Variants in GNB1L observed in about 807,000 individuals in gnomAD.
GNB1L encodes guanine nucleotide-binding protein subunit beta-like protein 1.
In GNB1L, 20 loss-of-function variants were observed where a neutral mutation model predicts 29.1. The ratio of observed to expected loss-of-function variants is 0.69; its 90% CI spans 0.48 to 1.00. The LOEUF (loss-of-function observed/expected upper bound fraction) is 1.00. GNB1L is among the 50% of genes least tolerant of loss of function. The pLI is 0.00. For missense variants in GNB1L, 421 were observed against 464.9 expected (o/e 0.91, Z 0.87); for synonymous variants, 193 against 206.5 (o/e 0.93, Z 0.56).
chr22:19,810,730 G>A (rs936405045), intron 5 of GNB1L, among the ~76,000 whole-genome samples: 8 of 151,976 alleles, frequency 5.3e-5, no homozygotes, highest in Admixed American at 1.3e-4. Context: ...CTCCCTGGGC[G>A]TTGTCTGGGT....
In GNB1L at chr22:19,784,741, A is replaced by G. The variant is rs1937176611; in HGVS notation, c.*3968T>C. Reference sequence around the variant, plus strand: ...CCCGCGTCCCTGCACACAGCTGCCCACCGGCCAGTGGAGTGGGACCTGCTG... The same window carrying G: ...CCCGCGTCCCTGCACACAGCTGCCCGCCGGCCAGTGGAGTGGGACCTGCTG... On this transcript the variant is annotated 3_prime_UTR_variant, in exon 8 of 8. Coordinates refer to ENST00000329517, the MANE Select transcript of GNB1L (RefSeq NM_053004.3). The G allele has an allele frequency of 6.6e-6, 1 of 152,156 alleles. No homozygotes were observed. The highest frequency in any genetic ancestry group is 1.5e-5 in the Non-Finnish European group (1 of 68,026). 9.4% of individuals were successfully genotyped at this position (152,156 alleles called of 1,614,324 possible). A position where few individuals can be genotyped will look rare whatever the true frequency, so the allele number is the denominator to read the frequency against.
chr22:19,798,614 C>T (rs950938051), intron 7 of GNB1L, among the ~76,000 whole-genome samples: 1 of 149,804 alleles, frequency 6.7e-6, no homozygotes, highest in Admixed American at 6.6e-5. Context: ...GTTCCTCCTG[C>T]CCAGCTCCTG....
intron 5 of GNB1L, among the ~76,000 whole-genome samples, chr22:19,811,672 G>A (rs1937502136): frequency 6.6e-6 from 1 of 152,100 alleles, no homozygotes. Flanking sequence ...CCTAACAGTG[G>A]CCTCCCTGCT....
intron 2 of GNB1L, among the ~76,000 whole-genome samples, chr22:19,844,819 G>A (rs1937926491): frequency 6.6e-6 from 1 of 152,220 alleles, no homozygotes; most frequent in Non-Finnish European, 1.5e-5. Context: ...TTTGACCCGG[G>A]TGAACACACG....
chr22:19,849,851 C>T, intron 2 of GNB1L: 1 of 985,472 alleles, frequency 1.0e-6, no homozygotes, highest in Non-Finnish European at 1.2e-6. Context: ...TGGGCACACA[C>T]TGCACACACT....
chr22:19,839,262 A>G (rs181122128), intron 2 of GNB1L, among the ~76,000 whole-genome samples: 62 of 152,236 alleles, frequency 4.1e-4, no homozygotes, highest in African/African-American at 1.2e-3. Flanking sequence ...GCACACAATA[A>G]TAAAGATAAT....
intron 2 of GNB1L, among the ~76,000 whole-genome samples, chr22:19,853,897 G>A (rs914969096): frequency 5.9e-5 from 9 of 152,176 alleles, no homozygotes; most frequent in African/African-American, 2.2e-4. Flanking sequence ...AGGTATCCAG[G>A]TTGCCCACAA....
chr22:19,811,521 C>A (rs1202974546), intron 5 of GNB1L, among the ~76,000 whole-genome samples: 1 of 152,160 alleles, frequency 6.6e-6, no homozygotes, highest in Non-Finnish European at 1.5e-5. Flanking sequence ...CCCTCCTCCA[C>A]TATGACACCC....
chr22:19,848,928 A>G (rs1323300229), intron 2 of GNB1L: 1 of 985,370 alleles, frequency 1.0e-6, no homozygotes, highest in East Asian at 1.1e-4. Flanking sequence ...TGTCCATCCT[A>G]GAGAGCAACT....
chr22:19,848,997 T>G (rs1460141131), intron 2 of GNB1L: 1 of 985,378 alleles, frequency 1.0e-6, no homozygotes, highest in Admixed American at 6.1e-5. Flanking sequence ...GAGGTAGGCA[T>G]CAGGGAGCAG....
intron 4 of GNB1L, among the ~76,000 whole-genome samples, chr22:19,819,756 A>G (rs1156477119): frequency 6.6e-6 from 1 of 152,176 alleles, no homozygotes; most frequent in Non-Finnish European, 1.5e-5. Flanking sequence ...AGGGTACAGA[A>G]CACACACGTG....
At chr22:19,792,925 A>ACTTTGGCTTTGG in intron 7 of GNB1L, 1 of 1,249,544 alleles carries the variant, frequency 8.0e-7, no homozygotes, top group East Asian at 2.3e-5. Context: ...AACTCGGAAG[A>ACTTTGGCTTTGG]CAAAGGCACT....
In GNB1L at chr22:19,850,942, G is replaced by C. The variant is rs1388915940; in HGVS notation, c.-21+3501C>G. The C allele has an allele frequency of 8.7e-6, 12 of 1,374,774 alleles. No individual in the cohort carries two copies. The Admixed American group carries it at 3.5e-4, about 40-fold the overall frequency. The allele number at this position is 1,374,774 out of a possible 1,614,324, so 85.2% of individuals were successfully genotyped here. On this transcript the variant is annotated intron_variant, in intron 2 of 7. Coordinates refer to ENST00000329517, the MANE Select transcript of GNB1L (RefSeq NM_053004.3). Reference sequence around the variant, plus strand: ...CCAGAAGACGGGCAGGGATGCAGCAGAGAGCCAGCAGCAGGGAAAGGGCAC... The same window carrying C: ...CCAGAAGACGGGCAGGGATGCAGCACAGAGCCAGCAGCAGGGAAAGGGCAC...
rs1937181416 is a variant in GNB1L, at chr22:19,785,202, C to T, written c.*3507G>A. On this transcript the variant is annotated 3_prime_UTR_variant, in exon 8 of 8. Transcript: ENST00000329517. The surrounding 1 kb of genome is among the most constrained non-coding windows in gnomAD (Gnocchi z 4.1). Reference sequence around the variant, plus strand: ...ATCGCTTGAGCCCAGGAGTTCGAAACCAGCCTGGGCAACATAGCGAGACTC... The same window carrying T: ...ATCGCTTGAGCCCAGGAGTTCGAAATCAGCCTGGGCAACATAGCGAGACTC... 1.3e-5 allele frequency: 2 copies of T among 152,106 alleles called. No individual in the cohort carries two copies. The highest frequency in any genetic ancestry group is 4.8e-5 in the African/African-American group (2 of 41,364). 9.4% of individuals were successfully genotyped at this position (152,106 alleles called of 1,614,324 possible).
chr22:19,847,355 C>A (rs1347251753), intron 2 of GNB1L: 12 of 985,348 alleles, frequency 1.2e-5, no homozygotes, highest in Non-Finnish European at 1.4e-5. Context: ...ATTTGCCTTG[C>A]TCCTTTATTG....
At position 19,812,646 on chromosome 22, in the gene GNB1L, G is replaced by A. The variant is rs150183919; in HGVS notation, c.255-199C>T. 8.5e-5 allele frequency among the ~76,000 whole-genome samples: 13 copies of A among 152,342 alleles called. No homozygotes were observed. The East Asian group carries it at 1.7e-3, about 20-fold the overall frequency. Reference sequence around the variant, plus strand: ...CACTTGAGCCAGCACCAAAGTGCCCGAGGCCAGGACATGCAGTGGATCAAG... The same window carrying A: ...CACTTGAGCCAGCACCAAAGTGCCCAAGGCCAGGACATGCAGTGGATCAAG... On this transcript the variant is annotated intron_variant, in intron 4 of 7. Transcript: ENST00000329517.
intron 2 of GNB1L, among the ~76,000 whole-genome samples, chr22:19,853,549 G>C (rs1371193633): frequency 6.6e-6 from 1 of 152,134 alleles, no homozygotes; most frequent in African/African-American, 2.4e-5. Context: ...GGGAGCACAA[G>C]GCCTGCACAC....
chr22:19,811,061 G>A (rs1424323307), intron 5 of GNB1L, among the ~76,000 whole-genome samples: 3 of 152,190 alleles, frequency 2.0e-5, no homozygotes, highest in Non-Finnish European at 4.4e-5. Flanking sequence ...GTAGACCTTG[G>A]GTCCCGGGGG....
intron 5 of GNB1L, among the ~76,000 whole-genome samples, chr22:19,809,457 C>T (rs1221228170): frequency 6.6e-6 from 1 of 152,218 alleles, no homozygotes; most frequent in African/African-American, 2.4e-5. Flanking sequence ...TCTTCCAGTA[C>T]ACCAAGGCAA....
Sources: allele counts gnomAD v4.1 joint callset (sites outside exome capture counted in the v4.1 genomes callset), GRCh38; gene constraint gnomAD v4.1.1; non-coding constraint Gnocchi (gnomAD v3.1); transcripts MANE v1.5; gene names NCBI Gene and HGNC (gene_info 2026-07-23, HGNC 2026-07-21).